TAF1B: variants seen among roughly 807,000 people sequenced by gnomAD.
TAF1B encodes the protein TATA-box binding protein associated factor, RNA polymerase I subunit B, also known as TATA box-binding protein-associated factor RNA polymerase I subunit B.
A neutral mutation model predicts 83.9 loss-of-function variants in TAF1B; 61 were observed. The observed-to-expected ratio is 0.73, with a 90% confidence interval of 0.59 to 0.90. TAF1B has a LOEUF of 0.90. TAF1B is among the 40% of genes least tolerant of loss of function. TAF1B has a pLI of 0.00. For missense variants in TAF1B, 625 were observed against 677.0 expected (o/e 0.92, Z 0.85); for synonymous variants, 221 against 224.6 (o/e 0.98, Z 0.14).
intron 5 of TAF1B, among the ~76,000 whole-genome samples, chr2:9,857,826 G>T (rs1663612936): frequency 6.6e-6 from 1 of 152,148 alleles, no homozygotes; most frequent in Non-Finnish European, 1.5e-5. Flanking sequence ...GCTATCATGA[G>T]AACAGCATGG....
intron 8 of TAF1B, among the ~76,000 whole-genome samples, chr2:9,903,860 A>G (rs1665263352): frequency 6.6e-6 from 1 of 152,240 alleles, no homozygotes; most frequent in South Asian, 2.1e-4. Context: ...TGATTTTACC[A>G]TATCATGGGA....
At chr2:9,921,155 G>A (rs187746846) in intron 14 of TAF1B, among the ~76,000 whole-genome samples, 14 of 152,246 alleles carry the variant, frequency 9.2e-5, no homozygotes, top group East Asian at 7.7e-4. Context: ...ACAGTGGCAC[G>A]ATAATGGCTC....
chr2:9,869,641 T>G lies in TAF1B; in HGVS notation c.553+1212T>G, dbSNP rs143520566. Reference sequence around the variant, plus strand: ...CTGTAATCTCAGGACTATGGGAGGCTGAGGCGAGCAGATCACTTGAGGTCA... The same window carrying G: ...CTGTAATCTCAGGACTATGGGAGGCGGAGGCGAGCAGATCACTTGAGGTCA... On this transcript the variant is annotated intron_variant, in intron 6 of 14. Coordinates refer to ENST00000263663, the MANE Select transcript of TAF1B (RefSeq NM_005680.3). Among the ~76,000 whole-genome samples, 561 of 151,712 alleles carry G rather than the reference T, an allele frequency of 3.7e-3. 7 individuals are homozygous for G. The highest frequency in any genetic ancestry group is 0.026 in the Admixed American group (400 of 15,240).
At chr2:9,873,001 C>G (rs968713696) in intron 6 of TAF1B, among the ~76,000 whole-genome samples, 1 of 152,186 alleles carries the variant, frequency 6.6e-6, no homozygotes, top group Non-Finnish European at 1.5e-5. Flanking sequence ...AATTAAACTT[C>G]TATTCCTGGC....
At chr2:9,864,753 G>A (rs1326632645) in intron 5 of TAF1B, among the ~76,000 whole-genome samples, 1 of 152,086 alleles carries the variant, frequency 6.6e-6, no homozygotes, top group African/African-American at 2.4e-5. Flanking sequence ...GATCAAGTGG[G>A]CTTCATCCCT....
chr2:9,860,586 T>C (rs1294481355), intron 5 of TAF1B, among the ~76,000 whole-genome samples: 2 of 152,138 alleles, frequency 1.3e-5, no homozygotes. Context: ...GACCAATAAC[T>C]TAGCCCTAGG....
intron 14 of TAF1B, among the ~76,000 whole-genome samples, chr2:9,931,615 CA>C (rs1666214403): frequency 1.3e-5 from 2 of 152,184 alleles, no homozygotes; most frequent in South Asian, 4.1e-4. Context: ...TCCTTCATTT[CA>C]ACCTTGGTGA....
intron 8 of TAF1B, among the ~76,000 whole-genome samples, chr2:9,902,358 A>G (rs438966): frequency 0.28 from 42,425 of 151,960 alleles, 6,913 homozygotes; most frequent in Middle Eastern, 0.4. Flanking sequence ...TTCATGGAGA[A>G]GCGTTACCAG....
intron 8 of TAF1B, among the ~76,000 whole-genome samples, chr2:9,895,171 A>G (rs1664979768): frequency 6.6e-6 from 1 of 152,244 alleles, no homozygotes; most frequent in African/African-American, 2.4e-5. Flanking sequence ...TGTGTTCACC[A>G]CAAACTCCCA....
At chr2:9,911,697 T>A in intron 11 of TAF1B, 140 bp downstream of exon 11, 1 of 510,398 alleles carries the variant, frequency 2.0e-6, no homozygotes, top group South Asian at 4.1e-5. Flanking sequence ...TGTACCAGTA[T>A]TGTTTTTTCA....
chr2:9,865,781 G>A (rs1442868311), intron 5 of TAF1B, among the ~76,000 whole-genome samples: 2 of 151,250 alleles, frequency 1.3e-5, no homozygotes, highest in Non-Finnish European at 3.0e-5. Context: ...AAATAATGCT[G>A]CATATCTACA....
intron 4 of TAF1B, 58 bp from the exon 5 acceptor site, chr2:9,854,268 C>T (rs372445625): frequency 2.6e-6 from 3 of 1,154,020 alleles, no homozygotes; most frequent in African/African-American, 3.1e-5. Flanking sequence ...TGTAGATGTG[C>T]CTGTACATTT....
At chr2:9,886,874 T>C (rs1253173601) in intron 8 of TAF1B, among the ~76,000 whole-genome samples, 2 of 152,056 alleles carry the variant, frequency 1.3e-5, no homozygotes, top group African/African-American at 4.8e-5. Context: ...AGACCATCCT[T>C]GCCAATATGG....
chr2:9,911,694 G>C, intron 11 of TAF1B, 137 bp downstream of exon 11: 1 of 513,686 alleles, frequency 1.9e-6, no homozygotes, highest in Non-Finnish European at 3.2e-6. Flanking sequence ...TATTGTACCA[G>C]TATTGTTTTT....
chr2:9,918,950 A>C (rs1665783327), intron 12 of TAF1B, 91 bp from the exon 13 acceptor site: 1 of 1,125,672 alleles, frequency 8.9e-7, no homozygotes, highest in South Asian at 1.3e-5. Flanking sequence ...AGCTATAACG[A>C]AATATCAGAA....
Position 9,893,773 on chromosome 2 carries a change from T to G in TAF1B, c.807+10968T>G, listed in dbSNP as rs1250966226. ...AATACTGTCTTTTTAAAAGGCAAGT[T>G]AACAATGAGCAAAATTCAGTAAACT... On this transcript the variant is annotated intron_variant, in intron 8 of 14. Transcript: ENST00000263663. Among the ~76,000 whole-genome samples the G allele has an allele frequency of 2.0e-5, 3 of 149,102 alleles. No homozygotes were observed. The Admixed American group carries it at 2.0e-4, about 10-fold the overall frequency.
rs148188110 is a variant in TAF1B, at chr2:9,919,199, GT to G, written c.1342+94del. Reference sequence around the variant, plus strand: ...TGGACTTGAAATGTTGAATGCTTAAGTTTTTTACTTTTTTTAAACAAATGTT... The same window carrying G: ...TGGACTTGAAATGTTGAATGCTTAAGTTTTTACTTTTTTTAAACAAATGTT... On this transcript the variant is annotated intron_variant, in intron 13 of 14. Transcript: ENST00000263663. 3,441 of 1,163,826 alleles carry G rather than the reference GT, an allele frequency of 3.0e-3. 99 individuals are homozygous for G. In the African/African-American group the frequency reaches 0.047, roughly 16 times the overall value. The allele number at this position is 1,163,826 out of a possible 1,614,324, so 72.1% of individuals were successfully genotyped here.
In TAF1B at chr2:9,934,169, A is replaced by G. The variant is rs1666304955; in HGVS notation, c.*185A>G. On this transcript the variant is annotated 3_prime_UTR_variant, in exon 15 of 15. Transcript: ENST00000263663. ...TTGTAAAGCAGGTGAGCTTCATTTG[A>G]TTTTATTTTTCAGAGTATGAACATT... 7.7e-6 allele frequency: 4 copies of G among 521,822 alleles called. No homozygotes were observed. Among genetic ancestry groups the G allele is most frequent in the South Asian group, 6.2e-5 (2 of 32,102 alleles). 32.3% of individuals were successfully genotyped at this position (521,822 alleles called of 1,614,324 possible).
intron 8 of TAF1B, among the ~76,000 whole-genome samples, chr2:9,890,874 G>A (rs561885444): frequency 3.5e-4 from 53 of 152,228 alleles, no homozygotes; most frequent in South Asian, 1.9e-3. Flanking sequence ...AGGTTCAAGC[G>A]ATTCTCCTGC....
Sources: gnomAD v4.1 joint callset for allele counts (sites outside exome capture counted in the v4.1 genomes callset) on GRCh38, gnomAD v4.1.1 for gene constraint, MANE v1.5 for transcripts, NCBI Gene and HGNC (gene_info 2026-07-23, HGNC 2026-07-21) for gene names.